The following C8orf34 variants were observed in gnomAD, a reference collection of about 807,000 sequenced individuals.
C8orf34 encodes the protein chromosome 8 open reading frame 34, also known as uncharacterized protein C8orf34.
C8orf34 carries 65 observed loss-of-function variants against 68.3 expected under a neutral mutation model. The ratio of observed to expected loss-of-function variants is 0.95; its 90% CI spans 0.78 to 1.17. The LOEUF (loss-of-function observed/expected upper bound fraction) is 1.17. Ranked by LOEUF, C8orf34 falls within the 50% of genes most tolerant of loss-of-function variation. The pLI is 0.00. For missense variants in C8orf34, 664 were observed against 655.4 expected, an observed-to-expected ratio of 1.01 and a Z score of -0.14; for synonymous variants, 244 against 241.2, an observed-to-expected ratio of 1.01 and a Z score of -0.11.
intron 8 of C8orf34, among the ~76,000 whole-genome samples, chr8:68,684,739 A>G (rs1431627864): frequency 1.3e-5 from 2 of 152,050 alleles, no homozygotes; most frequent in Admixed American, 6.6e-5. Flanking sequence ...CTAATTTCAC[A>G]TAGCTTTCTG....
At chr8:68,585,444 T>A (rs1203787546) in intron 7 of C8orf34, among the ~76,000 whole-genome samples, 1 of 152,198 alleles carries the variant, frequency 6.6e-6, no homozygotes, top group Non-Finnish European at 1.5e-5. Context: ...AAGAGGCATA[T>A]ATTTGGTAAA....
At chr8:68,632,751 G>A (rs937043864) in intron 7 of C8orf34, among the ~76,000 whole-genome samples, 1 of 152,224 alleles carries the variant, frequency 6.6e-6, no homozygotes, top group African/African-American at 2.4e-5. Context: ...GGCTAAAAGG[G>A]GCCAAGGTAC....
intron 8 of C8orf34, among the ~76,000 whole-genome samples, chr8:68,689,590 T>C (rs966368953): frequency 8.6e-5 from 13 of 152,016 alleles, no homozygotes; most frequent in Admixed American, 6.6e-4. Flanking sequence ...TCATCATCAG[T>C]ATAAATGAAC....
At chr8:68,808,453 A>G (rs1053324212) in intron 12 of C8orf34, among the ~76,000 whole-genome samples, 1 of 152,066 alleles carries the variant, frequency 6.6e-6, no homozygotes, top group African/African-American at 2.4e-5. Context: ...TATGTACCAT[A>G]TAAAATGGTT....
intron 1 of C8orf34, among the ~76,000 whole-genome samples, chr8:68,340,547 G>A (rs1262733241): frequency 1.3e-5 from 2 of 152,044 alleles, no homozygotes; most frequent in Non-Finnish European, 2.9e-5. Flanking sequence ...GGAAATACTA[G>A]GGATGACTCT....
intron 2 of C8orf34, among the ~76,000 whole-genome samples, chr8:68,444,045 C>T (rs528456806): frequency 6.4e-4 from 97 of 152,160 alleles, no homozygotes; most frequent in African/African-American, 2.3e-3. Flanking sequence ...TTACTGTTCT[C>T]TGTTTTTCTC....
chr8:68,801,372 T>G (rs1824322271), intron 12 of C8orf34, among the ~76,000 whole-genome samples: 1 of 152,214 alleles, frequency 6.6e-6, no homozygotes, highest in African/African-American at 2.4e-5. Flanking sequence ...AAGAATTAGC[T>G]TGAGCCGAAC....
At position 68,332,943 on chromosome 8, in the gene C8orf34, G is replaced by A. The variant is rs147171767; in HGVS notation, c.327+1604G>A. Among the ~76,000 whole-genome samples, 10 of 152,252 alleles carry A rather than the reference G, an allele frequency of 6.6e-5. No homozygotes were observed. In the East Asian group the frequency reaches 1.9e-3, roughly 29 times the overall value. Reference sequence around the variant, plus strand: ...CTATATAATTTTTTTAAAGGCAGAAGCCTAAAACCTTCTGCAACGCAGTGT... The same window carrying A: ...CTATATAATTTTTTTAAAGGCAGAAACCTAAAACCTTCTGCAACGCAGTGT... On this transcript the variant is annotated intron_variant, in intron 1 of 13. Transcript: ENST00000518698.
rs1472715969 is a variant in C8orf34, at chr8:68,581,805, A to G, written c.1105+48656A>G. On this transcript the variant is annotated intron_variant, in intron 7 of 13. Coordinates refer to ENST00000518698, the MANE Select transcript of C8orf34 (RefSeq NM_052958.4). Reference sequence around the variant, plus strand: ...TCTGTTGCAGGGGCAAGAATCCTTTATCATTGTCTCACCTTCCAAATTTCT... The same window carrying G: ...TCTGTTGCAGGGGCAAGAATCCTTTGTCATTGTCTCACCTTCCAAATTTCT... 2.6e-5 allele frequency among the ~76,000 whole-genome samples: 4 copies of G among 152,180 alleles called. No homozygotes were observed. The South Asian group carries it at 8.3e-4, about 32-fold the overall frequency.
intron 5 of C8orf34, among the ~76,000 whole-genome samples, chr8:68,499,694 A>G (rs899965412): frequency 2.6e-5 from 4 of 152,180 alleles, no homozygotes; most frequent in Non-Finnish European, 5.9e-5. Context: ...TAACAAAAGG[A>G]GCAACTTTTC....
chr8:68,420,992 T>C (rs976629839), intron 1 of C8orf34, among the ~76,000 whole-genome samples: 9 of 152,030 alleles, frequency 5.9e-5, no homozygotes, highest in Non-Finnish European at 1.3e-4. Context: ...AGCAGAATAA[T>C]GATTTGAAGA....
At chr8:68,512,145 A>T (rs1197787093) in intron 5 of C8orf34, among the ~76,000 whole-genome samples, 2 of 152,232 alleles carry the variant, frequency 1.3e-5, no homozygotes, top group Non-Finnish European at 2.9e-5. Flanking sequence ...AATGTCCAGG[A>T]TAGTTACAGT....
chr8:68,770,274 C>A (rs1380842971), intron 10 of C8orf34, among the ~76,000 whole-genome samples: 1 of 152,172 alleles, frequency 6.6e-6, no homozygotes, highest in East Asian at 1.9e-4. Context: ...AGTTGTAACT[C>A]TCTAAGATAC....
intron 7 of C8orf34, among the ~76,000 whole-genome samples, chr8:68,548,845 C>A (rs1188879760): frequency 1.3e-5 from 2 of 151,710 alleles, no homozygotes; most frequent in Admixed American, 6.6e-5. Flanking sequence ...CAATAAAAAT[C>A]AATTACATAC....
rs564877608 is a variant in C8orf34 at position 68,395,675 on chromosome 8, T to C, written c.328-43824T>C. 5.9e-5 allele frequency among the ~76,000 whole-genome samples: 9 copies of C among 152,274 alleles called. No homozygotes were observed. In the East Asian group the frequency reaches 9.7e-4, roughly 16 times the overall value. ...AAGATCCTTGTGGTTTAGGAGTTCA[T>C]AGTCTATGAAGAAAGTGGCACGTAG... On this transcript the variant is annotated intron_variant, in intron 1 of 13. Transcript: ENST00000518698.
chr8:68,544,131 A>G (rs116441675), intron 7 of C8orf34, among the ~76,000 whole-genome samples: 218 of 152,244 alleles, frequency 1.4e-3, no homozygotes, highest in African/African-American at 4.9e-3. Flanking sequence ...GAGGGTATGG[A>G]CATAGTCTAC....
At chr8:68,427,686 A>G (rs1228187797) in intron 1 of C8orf34, among the ~76,000 whole-genome samples, 1 of 151,840 alleles carries the variant, frequency 6.6e-6, no homozygotes, top group Non-Finnish European at 1.5e-5. Context: ...CACACACACG[A>G]ATGCATATAA....
At chr8:68,547,144 A>G (rs1240189271) in intron 7 of C8orf34, among the ~76,000 whole-genome samples, 1 of 151,870 alleles carries the variant, frequency 6.6e-6, no homozygotes, top group Non-Finnish European at 1.5e-5. Context: ...TAGTACTGGC[A>G]AAGAAAAAAG....
intron 7 of C8orf34, among the ~76,000 whole-genome samples, chr8:68,543,899 A>G (rs1028103942): frequency 8.5e-5 from 13 of 152,262 alleles, no homozygotes; most frequent in African/African-American, 2.9e-4. Flanking sequence ...AAAAGGCAGC[A>G]CAGGTGTTTG....
Sources: allele counts gnomAD v4.1 joint callset (sites outside exome capture counted in the v4.1 genomes callset), GRCh38; gene constraint gnomAD v4.1.1; transcripts MANE v1.5; gene names NCBI Gene and HGNC (gene_info 2026-07-23, HGNC 2026-07-21).